Variants in METTL15 observed in about 807,000 individuals in gnomAD.
METTL15 encodes methyltransferase 15, mitochondrial 12S rRNA N4-cytidine, also known as 12S rRNA N(4)-cytidine methyltransferase METTL15.
A neutral mutation model predicts 38.3 loss-of-function variants in METTL15; 34 were observed. The ratio of observed to expected loss-of-function variants is 0.89; its 90% CI spans 0.68 to 1.18. The LOEUF is 1.18. METTL15 is among the 50% of genes most tolerant of loss of function. METTL15 has a pLI of 0.00. For missense variants in METTL15, 438 were observed against 498.4 expected (o/e 0.88, Z 1.15); for synonymous variants, 162 against 170.9 (o/e 0.95, Z 0.41).
rs556718669 is a variant in METTL15, at chr11:28,327,990, A to T, written c.779-2406A>T. 570 of 1,219,434 alleles carry T rather than the reference A, an allele frequency of 4.7e-4. 1 individual carries two copies. The highest frequency in any genetic ancestry group is 1.2e-3 in the East Asian group (45 of 36,498). The allele number at this position is 1,219,434 out of a possible 1,614,324, so 75.5% of individuals were successfully genotyped here. ...TCAAAGATAATGCTAAGAAATTTTT[A>T]AAAAAATTATAGCAAAAATATCCTG... On this transcript the variant is annotated intron_variant, in intron 6 of 6. Transcript: ENST00000407364.
intron 3 of METTL15, among the ~76,000 whole-genome samples, chr11:28,209,659 A>C (rs1276859262): frequency 6.6e-6 from 1 of 151,918 alleles, no homozygotes; most frequent in African/African-American, 2.4e-5. Flanking sequence ...CCTCCATGTT[A>C]TTCTTTCAGT....
At chr11:28,315,246 G>A (rs1275356188) in intron 6 of METTL15, among the ~76,000 whole-genome samples, 1 of 152,160 alleles carries the variant, frequency 6.6e-6, no homozygotes, top group Non-Finnish European at 1.5e-5. Context: ...TTGAGATATG[G>A]ATAATAAAGT....
intron 3 of METTL15, chr11:28,123,853 T>A (rs778958541): frequency 2.5e-5 from 37 of 1,451,748 alleles, no homozygotes; most frequent in Non-Finnish European, 1.9e-5. Context: ...TATTTTTCTT[T>A]CTGGCAAGCA....
chr11:28,195,186 G>A (rs1851865299), intron 3 of METTL15, among the ~76,000 whole-genome samples: 2 of 151,974 alleles, frequency 1.3e-5, no homozygotes, highest in South Asian at 4.1e-4. Context: ...CTTTTTGCGG[G>A]TATTGTTTTG....
chr11:28,131,532 G>A (rs1308894812), intron 3 of METTL15, among the ~76,000 whole-genome samples: 2 of 127,796 alleles, frequency 1.6e-5, no homozygotes, highest in African/African-American at 5.6e-5. Context: ...GCCATTTGAA[G>A]GCAGTCACAA....
intron 4 of METTL15, among the ~76,000 whole-genome samples, chr11:28,282,779 C>T (rs1009010406): frequency 6.6e-6 from 1 of 152,140 alleles, no homozygotes; most frequent in Non-Finnish European, 1.5e-5. Context: ...CAACCAGCTT[C>T]CCAATGTGTA....
chr11:28,499,401 T>C (rs1442946117), intron 6 of METTL15, among the ~76,000 whole-genome samples: 1 of 152,202 alleles, frequency 6.6e-6, no homozygotes, highest in Non-Finnish European at 1.5e-5. Flanking sequence ...ACTATGCAAA[T>C]GGCATGGTTT....
At chr11:28,239,585 A>G (rs1854196677) in intron 4 of METTL15, among the ~76,000 whole-genome samples, 1 of 152,112 alleles carries the variant, frequency 6.6e-6, no homozygotes, top group South Asian at 2.1e-4. Flanking sequence ...TTAAAAGCAA[A>G]TTAGATCATG....
chr11:28,481,572 A>G (rs35357735), intron 6 of METTL15, among the ~76,000 whole-genome samples: 323 of 152,180 alleles, frequency 2.1e-3, no homozygotes, highest in Non-Finnish European at 3.5e-3. Context: ...CACCCATCCA[A>G]TGGGAGGGGT....
intron 4 of METTL15, among the ~76,000 whole-genome samples, chr11:28,217,333 T>C (rs1852934869): frequency 6.6e-6 from 1 of 152,366 alleles, no homozygotes; most frequent in African/African-American, 2.4e-5. Flanking sequence ...CATTTTTACA[T>C]GTGTCTTTTG....
rs967386397 is a variant in METTL15, at chr11:28,143,246, AT to A, written c.270+29644del. 9.1e-4 allele frequency among the ~76,000 whole-genome samples: 138 copies of A among 152,290 alleles called. 1 individual carries two copies. Among genetic ancestry groups the A allele is most frequent in the African/African-American group, 3.3e-3 (137 of 41,574 alleles). ...CAAAGATTTACCAGATTTAATTCTT[AT>A]TAAGTCATAACCCATGTGATACAGT... is the stretch of plus-strand genomic sequence containing the variant. On this transcript the variant is annotated intron_variant, in intron 3 of 6. Transcript: ENST00000407364.
At chr11:28,412,186 T>G (rs1268748187) in intron 5 of METTL15, among the ~76,000 whole-genome samples, 1 of 151,592 alleles carries the variant, frequency 6.6e-6, no homozygotes, top group East Asian at 1.9e-4. Context: ...CTGTAGGGAG[T>G]TTTCCAGAGA....
intron 6 of METTL15, among the ~76,000 whole-genome samples, chr11:28,431,723 G>A (rs1346087981): frequency 1.2e-5 from 1 of 86,140 alleles, no homozygotes; most frequent in Non-Finnish European, 2.2e-5. Context: ...CTCCACTATT[G>A]TCCCATGACC....
At chr11:28,186,434 ATTTG>A (rs1364516855) in intron 3 of METTL15, among the ~76,000 whole-genome samples, 1 of 151,116 alleles carries the variant, frequency 6.6e-6, no homozygotes, top group Non-Finnish European at 1.5e-5. Flanking sequence ...ATTATTTATG[ATTTG>A]TTTGGAGAGT....
At chr11:28,530,084 C>A (rs1280316406), downstream of METTL15, among the ~76,000 whole-genome samples, 1 of 152,120 alleles carries the variant, frequency 6.6e-6, no homozygotes, top group Non-Finnish European at 1.5e-5. Context: ...AATAACTCTA[C>A]TTCTTGGCCA....
At chr11:28,435,780 A>G (rs1352371787) in intron 6 of METTL15, among the ~76,000 whole-genome samples, 1 of 152,222 alleles carries the variant, frequency 6.6e-6, no homozygotes, top group African/African-American at 2.4e-5. Context: ...GCCCTTTTGC[A>G]TAGTAGAGAA....
At chr11:28,235,417 A>G (rs1334994062) in intron 4 of METTL15, among the ~76,000 whole-genome samples, 1 of 151,808 alleles carries the variant, frequency 6.6e-6, no homozygotes, top group East Asian at 1.9e-4. Context: ...TTTTCACGAT[A>G]TTGATTCTTC....
Position 28,297,545 on chromosome 11 carries a change from G to T in METTL15, c.778+614G>T, listed in dbSNP as rs775163074. ...AACATTTCATCTTTTCTGCTATTTCGCTATTCACCACCATAAACCTCTTGA... is the reference window on the plus strand; with the variant it reads ...AACATTTCATCTTTTCTGCTATTTCTCTATTCACCACCATAAACCTCTTGA... On this transcript the variant is annotated intron_variant, in intron 6 of 6. Coordinates refer to ENST00000407364, the MANE Select transcript of METTL15 (RefSeq NM_001113528.2). Among the ~76,000 whole-genome samples the T allele has an allele frequency of 3.3e-5, 5 of 152,094 alleles. No individual in the cohort carries two copies. The South Asian group carries it at 8.3e-4, about 25-fold the overall frequency.
chr11:28,221,105 C>T (rs1853192898), intron 4 of METTL15, among the ~76,000 whole-genome samples: 1 of 152,114 alleles, frequency 6.6e-6, no homozygotes, highest in African/African-American at 2.4e-5. Flanking sequence ...TGAATGTTGG[C>T]CTACCTTGCT....
Sources: allele counts gnomAD v4.1 joint callset (sites outside exome capture counted in the v4.1 genomes callset), GRCh38; gene constraint gnomAD v4.1.1; transcripts MANE v1.5; gene names NCBI Gene and HGNC (gene_info 2026-07-23, HGNC 2026-07-21).